FAM83H: variants seen among roughly 807,000 people sequenced by gnomAD.
The protein encoded by FAM83H is protein FAM83H.
A neutral mutation model predicts 30.2 loss-of-function variants in FAM83H; 24 were observed. That is an observed-to-expected ratio of 0.79 (90% CI 0.57 to 1.12). The LOEUF is 1.12. Among genes scored for constraint, FAM83H ranks in the 50% most tolerant of loss-of-function variants. The pLI, the probability that FAM83H is intolerant of heterozygous loss-of-function variation, is 0.00. For synonymous variants in FAM83H, 1,013 were observed against 821.7 expected (o/e 1.23, Z -3.98); for missense variants, 2,038 against 1,773.9 (o/e 1.15, Z -2.67).
chr8:143,726,702 G>T lies in FAM83H; in HGVS notation c.2759C>A (p.Pro920Gln). 1.2e-6 allele frequency: 2 copies of T among 1,604,214 alleles called. No individual in the cohort carries two copies. Among genetic ancestry groups the T allele is most frequent in the Non-Finnish European group, 1.7e-6 (2 of 1,177,598 alleles). Residue 920 changes from proline (P) to glutamine (Q), a missense_variant, in exon 5 of 5, where the codon CCG becomes CAG. Physicochemically the swap from Pro to Gln is moderately conservative, Grantham distance 76. Coordinates refer to ENST00000388913, the MANE Select transcript of FAM83H (RefSeq NM_198488.5). ...ERRGSPVPPV[P>Q]ERRSSPVPPV... ...GGGCACCGGACTGCTCCTGCGCTCC[G>T]GCACGGGGGGCACCGGACTACCCCT...
chr8:143,728,067 G>T lies in FAM83H; in HGVS notation c.1394C>A (p.Thr465Lys). 1 of 1,610,388 alleles carries T rather than the reference G, an allele frequency of 6.2e-7. No homozygotes were observed. Among genetic ancestry groups the T allele is most frequent in the South Asian group, 1.1e-5 (1 of 91,006 alleles). ...GAACAGGCCTTGCGGGCGCGCCGGCGTGAGCTGCGGGTCCCACTGGTACTG... is the reference window on the plus strand; with the variant it reads ...GAACAGGCCTTGCGGGCGCGCCGGCTTGAGCTGCGGGTCCCACTGGTACTG... ...QQQYQWDPQL[T>K]PARPQGLFEK... Residue 465 changes from threonine (T) to lysine (K), a missense_variant, in exon 5 of 5, where the codon ACG becomes AAG. Physicochemically the swap from Thr to Lys is moderately conservative, Grantham distance 78. Transcript: ENST00000388913.
chr8:143,727,949 C>G lies in FAM83H; in HGVS notation c.1512G>C (p.Gly504=). The G allele has an allele frequency of 1.3e-6, 2 of 1,551,270 alleles. No homozygotes were observed. The highest frequency in any genetic ancestry group is 1.7e-6 in the Non-Finnish European group (2 of 1,156,094). The change falls in exon 5 of 5, where the codon GGG becomes GGC. Residue 504 remains glycine (G), a synonymous_variant. Transcript: ENST00000388913. ...ACGGCACGTAGTCCAGCCGCTGGTG[C>G]CCGTCGGGTCCGAGCTCCGGGAAGC... ...GPRFPELGPD[G]HQRLDYVPSS...
Position 143,726,366 on chromosome 8 carries a change from T to C in FAM83H, c.3095A>G (p.Tyr1032Cys). 1.2e-6 allele frequency: 2 copies of C among 1,611,390 alleles called. No homozygotes were observed. The highest frequency in any genetic ancestry group is 1.7e-6 in the Non-Finnish European group (2 of 1,179,606). The change falls in exon 5 of 5, where the codon TAC (tyrosine) becomes TGC (cysteine). Residue 1032 changes from tyrosine (Y) to cysteine (C), a missense_variant. Coordinates refer to ENST00000388913, the MANE Select transcript of FAM83H (RefSeq NM_198488.5). The stretch of plus-strand genomic sequence containing the variant: ...CGTGTCATCCCGAAGGTTGCTGCTG[T>C]ACAAGGCGTTGGCCGTGGCTGAGGA... Reference protein sequence around the residue: ...RLSSATANALYSSNLRDDTKA... With the variant: ...RLSSATANALCSSNLRDDTKA...
At chr8:143,731,546 G>T (rs1818521779) in intron 1 of FAM83H, 1 of 985,286 alleles carries the variant, frequency 1.0e-6, no homozygotes, top group African/African-American at 1.7e-5. Context: ...CTGATCCCTA[G>T]ACTCCGTCCC....
rs1554621971 is a variant in FAM83H, at chr8:143,726,656, G to A, written c.2805C>T (p.Gly935=). Reference sequence around the variant, plus strand: ...CCCCGGAGATGGTAAGGGTGAGGCTGCCCCTGCGCTCCGGCACGGGGGGCA... The same window carrying A: ...CCCCGGAGATGGTAAGGGTGAGGCTACCCCTGCGCTCCGGCACGGGGGGCA... The part of the protein sequence containing the change: ...SPVPPVPERR[G]SLTLTISGES... The change falls in exon 5 of 5, where the codon GGC becomes GGT. Residue 935 remains glycine, a synonymous_variant. Transcript: ENST00000388913. 6.3e-7 allele frequency: 1 copy of A among 1,597,500 alleles called. No individual in the cohort carries two copies. The highest frequency in any genetic ancestry group is 2.2e-5 in the East Asian group (1 of 44,692).
At position 143,728,435 on chromosome 8, in the gene FAM83H, G is replaced by A. The variant is rs1470096482; in HGVS notation, c.1026C>T (p.Ser342=). 9 of 1,549,636 alleles carry A rather than the reference G, an allele frequency of 5.8e-6. No individual in the cohort carries two copies. The East Asian group carries it at 1.5e-4, about 25-fold the overall frequency. ...GGAAGTGGCGGTCCGGGTCGAGGAAGGAGGGGAAGCCCAGGCCCTCTTCCC... is the reference window on the plus strand; with the variant it reads ...GGAAGTGGCGGTCCGGGTCGAGGAAAGAGGGGAAGCCCAGGCCCTCTTCCC... ...PPREEGLGFP[S]FLDPDRHFLS... is the part of the protein sequence containing the mutation. The change falls in exon 5 of 5, where the codon TCC becomes TCT. Residue 342 remains serine, a synonymous_variant. Coordinates refer to ENST00000388913, the MANE Select transcript of FAM83H (RefSeq NM_198488.5).
Position 143,727,608 on chromosome 8 carries a change from C to T in FAM83H, c.1853G>A (p.Gly618Asp), listed in dbSNP as rs1818349903. 3.2e-6 allele frequency: 5 copies of T among 1,576,964 alleles called. No homozygotes were observed. Among genetic ancestry groups the T allele is most frequent in the East Asian group, 2.3e-5 (1 of 43,710 alleles). The part of the protein sequence containing the change: ...AYEDDVLAPG[G>D]RAPAGDLLPS... ...GAGCAGGTCGCCGGCAGGTGCCCGG[C>T]CCCCGGGAGCCAGCACGTCGTCTTC... The change falls in exon 5 of 5, where the codon GGC (glycine) becomes GAC (aspartate). Residue 618 changes from glycine to aspartate, a missense_variant. Coordinates refer to ENST00000388913, the MANE Select transcript of FAM83H (RefSeq NM_198488.5).
Position 143,725,608 on chromosome 8 carries a change from G to A in FAM83H, c.*313C>T, listed in dbSNP as rs560728487. On this transcript the variant is annotated 3_prime_UTR_variant, in exon 5 of 5. Coordinates refer to ENST00000388913, the MANE Select transcript of FAM83H (RefSeq NM_198488.5). ...AAATAAAGGGGGCGGGGGGGACTGA[G>A]GCACAAAGAGATGGCGGAGCCAGAC... 5.2e-5 allele frequency: 27 copies of A among 522,212 alleles called. No homozygotes were observed. In the East Asian group the frequency reaches 8.0e-4, roughly 16 times the overall value. The allele number at this position is 522,212 out of a possible 1,614,324, so 32.3% of individuals were successfully genotyped here.
Position 143,727,062 on chromosome 8 carries a change from T to C in FAM83H, c.2399A>G (p.Gln800Arg), listed in dbSNP as rs916321861. 3 of 1,549,154 alleles carry C rather than the reference T, an allele frequency of 1.9e-6. No homozygotes were observed. The highest frequency in any genetic ancestry group is 2.6e-6 in the Non-Finnish European group (3 of 1,153,520). The change falls in exon 5 of 5, where the codon CAG becomes CGG. Residue 800 changes from glutamine to arginine, a missense_variant. By Grantham distance (43) the Gln-to-Arg change is conservative. Coordinates refer to ENST00000388913, the MANE Select transcript of FAM83H (RefSeq NM_198488.5). ...LLDLRDSFAQQLHQEAERQPG... is the reference protein window; with the variant it reads ...LLDLRDSFAQRLHQEAERQPG... Reference sequence around the variant, plus strand: ...CTGCCGCTCCGCCTCCTGGTGCAGCTGCTGTGCAAAGGAGTCGCGCAGGTC... The same window carrying C: ...CTGCCGCTCCGCCTCCTGGTGCAGCCGCTGTGCAAAGGAGTCGCGCAGGTC...
chr8:143,726,238 G>A lies in FAM83H; in HGVS notation c.3223C>T (p.Pro1075Ser), dbSNP rs368471172. ...THNSPELGRP[P>S]AAGVLAPDMS... ...TCTGGGGCCAGGACGCCAGCAGCCG[G>A]TGGACGGCCTAGCTCGGGGCTGTTG... Residue 1075 changes from proline to serine, a missense_variant, in exon 5 of 5, where the codon CCG becomes TCG. Coordinates refer to ENST00000388913, the MANE Select transcript of FAM83H (RefSeq NM_198488.5). 1.1e-5 allele frequency: 17 copies of A among 1,612,260 alleles called. No individual in the cohort carries two copies. In the Admixed American group the frequency reaches 1.2e-4, roughly 11 times the overall value.
Position 143,724,933 on chromosome 8 carries a change from C to T in FAM83H, c.*988G>A, listed in dbSNP as rs1284692712. On this transcript the variant is annotated 3_prime_UTR_variant, in exon 5 of 5. Coordinates refer to ENST00000388913, the MANE Select transcript of FAM83H (RefSeq NM_198488.5). ...GGCGCCCCTTCGGGCTTCCCTGTGTCCCGTCCCCAGAGGCCTGCCCTGTCC... is the reference window on the plus strand; with the variant it reads ...GGCGCCCCTTCGGGCTTCCCTGTGTTCCGTCCCCAGAGGCCTGCCCTGTCC... The T allele has an allele frequency of 6.6e-6, 1 of 152,374 alleles. No homozygotes were observed. The highest frequency in any genetic ancestry group is 1.5e-5 in the Non-Finnish European group (1 of 68,222). 9.4% of individuals were successfully genotyped at this position (152,374 alleles called of 1,614,324 possible). A position where few individuals can be genotyped will look rare whatever the true frequency, so the allele number is the denominator to read the frequency against.
intron 2 of FAM83H, 35 bp downstream of exon 2, chr8:143,730,101 C>T: frequency 6.7e-7 from 1 of 1,490,990 alleles, no homozygotes. Flanking sequence ...AGCCCAGGCC[C>T]CTCCCCCACT....
In FAM83H at chr8:143,725,899, C is replaced by G. The variant is rs1016065346; in HGVS notation, c.*22G>C. ...GGGGCAGCGATGCGGGCACCCTGGCCTGGGTTGCCAGGCCAGAAGACTCAC... is the reference window on the plus strand; with the variant it reads ...GGGGCAGCGATGCGGGCACCCTGGCGTGGGTTGCCAGGCCAGAAGACTCAC... On this transcript the variant is annotated 3_prime_UTR_variant, in exon 5 of 5. Transcript: ENST00000388913. 1.9e-6 allele frequency: 3 copies of G among 1,611,260 alleles called. No individual in the cohort carries two copies. The highest frequency in any genetic ancestry group is 2.5e-6 in the Non-Finnish European group (3 of 1,179,334).
chr8:143,732,637 G>C (rs1172715959), intron 1 of FAM83H: 2 of 985,196 alleles, frequency 2.0e-6, no homozygotes, highest in Admixed American at 6.1e-5. Flanking sequence ...GACATGCCTC[G>C]TCCTCACAGG....
At chr8:143,729,987 TG>T in intron 2 of FAM83H, 148 bp downstream of exon 2, 1 of 719,726 alleles carries the variant, frequency 1.4e-6, no homozygotes, top group Non-Finnish European at 2.2e-6. Flanking sequence ...GACCGAGACC[TG>T]GCAGCCCTGA....
In FAM83H at chr8:143,728,398, G is replaced by C. The variant is rs1818390587; in HGVS notation, c.1063C>G (p.Arg355Gly). 6.5e-7 allele frequency: 1 copy of C among 1,546,898 alleles called. No homozygotes were observed. The highest frequency in any genetic ancestry group is 1.4e-5 in the African/African-American group (1 of 72,888). Residue 355 changes from arginine (R) to glycine (G), a missense_variant, in exon 5 of 5, where the codon CGC (arginine) becomes GGC (glycine). Transcript: ENST00000388913. ...GGCATCCGCGGCGGCTCCTCCCGGC[G>C]GAAGGCCGACAGGAAGTGGCGGTCC... ...DPDRHFLSAF[R>G]REEPPRMPGG... is the part of the protein sequence containing the mutation.
rs1818324183 is a variant in FAM83H at position 143,727,045 on chromosome 8, C to G, written c.2416G>C (p.Glu806Gln). 1 of 1,552,778 alleles carries G rather than the reference C, an allele frequency of 6.4e-7. No individual in the cohort carries two copies. Among genetic ancestry groups the G allele is most frequent in the Non-Finnish European group, 8.7e-7 (1 of 1,154,788 alleles). Reference sequence around the variant, plus strand: ...AGCGACGCGGCTCCCGGCTGCCGCTCCGCCTCCTGGTGCAGCTGCTGTGCA... The same window carrying G: ...AGCGACGCGGCTCCCGGCTGCCGCTGCGCCTCCTGGTGCAGCTGCTGTGCA... Reference protein sequence around the residue: ...SFAQQLHQEAERQPGAASLTA... With the variant: ...SFAQQLHQEAQRQPGAASLTA... Residue 806 changes from glutamate to glutamine, a missense_variant, in exon 5 of 5, where the codon GAG (glutamate) becomes CAG (glutamine). Glu to Gln is a conservative substitution (Grantham distance 29). Coordinates refer to ENST00000388913, the MANE Select transcript of FAM83H (RefSeq NM_198488.5).
At position 143,728,103 on chromosome 8, in the gene FAM83H, A is replaced by G. The variant is rs1554623117; in HGVS notation, c.1358T>C (p.Leu453Pro). The G allele has an allele frequency of 6.8e-6, 11 of 1,610,498 alleles. No homozygotes were observed. The highest frequency in any genetic ancestry group is 9.3e-6 in the Non-Finnish European group (11 of 1,179,156). Residue 453 changes from leucine to proline, a missense_variant, in exon 5 of 5, where the codon CTC (leucine) becomes CCC (proline). Leu to Pro is a moderately conservative substitution (Grantham distance 98, BLOSUM62 -3). Coordinates refer to ENST00000388913, the MANE Select transcript of FAM83H (RefSeq NM_198488.5). ...GTCCCACTGGTACTGCTGCTGGTAGAGCTGGTCACGGTGGAAGTGGCTGGT... is the reference window on the plus strand; with the variant it reads ...GTCCCACTGGTACTGCTGCTGGTAGGGCTGGTCACGGTGGAAGTGGCTGGT... ...FQTSHFHRDQLYQQQYQWDPQ... is the reference protein window; with the variant it reads ...FQTSHFHRDQPYQQQYQWDPQ...
chr8:143,727,007 CTG>C lies in FAM83H; in HGVS notation c.2452_2453del (p.Gln818AlafsTer47). 6.3e-7 allele frequency: 1 copy of C among 1,581,856 alleles called. No homozygotes were observed. The highest frequency in any genetic ancestry group is 8.6e-7 in the Non-Finnish European group (1 of 1,166,974). On this transcript the variant is annotated frameshift_variant, in exon 5 of 5. Transcript: ENST00000388913. LOFTEE classifies it low-confidence loss of function (END_TRUNC). ...CGCTCCGGCCCAGTGTGTCGAGCAGCTGCGCCGCGGTGAGCGACGCGGCTCCC... is the reference window on the plus strand; with the variant it reads ...CGCTCCGGCCCAGTGTGTCGAGCAGCCGCCGCGGTGAGCGACGCGGCTCCC... Reference protein sequence around the residue: ...QPGAASLTAAQLLDTLGRSGS... With the variant: ...QPGAASLTAAXLLDTLGRSGS...
Sources: allele counts gnomAD v4.1 joint callset, GRCh38; gene constraint gnomAD v4.1.1; transcripts MANE v1.5; gene names NCBI Gene and HGNC (gene_info 2026-07-23, HGNC 2026-07-21).